The following PABPC4L variants were observed in gnomAD, a reference collection of about 807,000 sequenced individuals.
The protein encoded by PABPC4L is poly(A) binding protein cytoplasmic 4 like.
For missense variants in PABPC4L, 452 were observed against 451.4 expected, an observed-to-expected ratio of 1.00 and a Z score of -0.01; for synonymous variants, 169 against 164.1, an observed-to-expected ratio of 1.03 and a Z score of -0.23.
the PABPC4L span, among the ~76,000 whole-genome samples, chr4:134,162,511 C>G: frequency 2.0e-4 from 31 of 151,788 alleles, no homozygotes; most frequent in Non-Finnish European, 3.7e-4. Flanking sequence ...CTAGAACAAA[C>G]AGAACTAACA....
chr4:134,004,180 A>C, the PABPC4L span, among the ~76,000 whole-genome samples: 1 of 151,950 alleles, frequency 6.6e-6, no homozygotes, highest in East Asian at 1.9e-4. Context: ...ACAGCAAAGG[A>C]GAAAATCAAC....
the PABPC4L span, among the ~76,000 whole-genome samples, chr4:134,168,558 T>C: frequency 6.6e-6 from 1 of 151,518 alleles, no homozygotes; most frequent in South Asian, 2.1e-4. Flanking sequence ...AATACCCAAA[T>C]AAATAAAATC....
At chr4:134,008,777 T>A in the PABPC4L span, among the ~76,000 whole-genome samples, 5 of 151,804 alleles carry the variant, frequency 3.3e-5, no homozygotes, top group Non-Finnish European at 7.4e-5. Flanking sequence ...CCTGAAGACA[T>A]AATATGTAGG....
chr4:133,966,644 A>C, the PABPC4L span, among the ~76,000 whole-genome samples: 1 of 152,308 alleles, frequency 6.6e-6, no homozygotes, highest in African/African-American at 2.4e-5. Context: ...AGCATGAATT[A>C]ATGGCATTCA....
chr4:133,970,329 C>T, the PABPC4L span, among the ~76,000 whole-genome samples: 1 of 151,852 alleles, frequency 6.6e-6, no homozygotes, highest in Non-Finnish European at 1.5e-5. Context: ...CAGGAATTTT[C>T]ATGCTTGGTC....
chr4:134,076,778 T>TATAG, the PABPC4L span, among the ~76,000 whole-genome samples: 2 of 152,080 alleles, frequency 1.3e-5, no homozygotes, highest in Admixed American at 6.5e-5. Context: ...GACATACCCA[T>TATAG]ATAGATAGAT....
the PABPC4L span, among the ~76,000 whole-genome samples, chr4:134,121,109 G>C: frequency 6.6e-6 from 1 of 151,014 alleles, no homozygotes; most frequent in Admixed American, 6.6e-5. Flanking sequence ...CATATGGTGA[G>C]TTCTTAATTT....
chr4:134,027,534 A>C, the PABPC4L span, among the ~76,000 whole-genome samples: 1 of 152,288 alleles, frequency 6.6e-6, no homozygotes, highest in Non-Finnish European at 1.5e-5. Context: ...GTGCTACAAT[A>C]AATATGAGAC....
chr4:134,068,710 T>C, the PABPC4L span, among the ~76,000 whole-genome samples: 1 of 151,918 alleles, frequency 6.6e-6, no homozygotes, highest in Non-Finnish European at 1.5e-5. Flanking sequence ...TCTTTTAAGA[T>C]ACATCTTTTT....
chr4:134,032,573 A>G, the PABPC4L span, among the ~76,000 whole-genome samples: 1 of 151,944 alleles, frequency 6.6e-6, no homozygotes. Flanking sequence ...GGTAATGTGA[A>G]AATATGCACA....
chr4:134,022,413 C>T, the PABPC4L span, among the ~76,000 whole-genome samples: 1 of 152,124 alleles, frequency 6.6e-6, no homozygotes, highest in Non-Finnish European at 1.5e-5. Flanking sequence ...ATAAAACACA[C>T]ACACACATGC....
At chr4:133,967,306 AAAACAAAC>A in the PABPC4L span, among the ~76,000 whole-genome samples, 29 of 152,148 alleles carry the variant, frequency 1.9e-4, no homozygotes, top group African/African-American at 6.7e-4. Flanking sequence ...CCCAGACTCA[AAAACAAAC>A]AAACAAACAA....
At chr4:133,961,974 G>A in the PABPC4L span, among the ~76,000 whole-genome samples, 1 of 152,152 alleles carries the variant, frequency 6.6e-6, no homozygotes, top group Non-Finnish European at 1.5e-5. Context: ...CCAGGTCACA[G>A]AACAAGGGGC....
the PABPC4L span, among the ~76,000 whole-genome samples, chr4:133,970,959 C>G: frequency 1.3e-5 from 2 of 152,054 alleles, no homozygotes; most frequent in Non-Finnish European, 2.9e-5. Context: ...GTCTCCTAAT[C>G]TATGATATTT....
At chr4:133,994,470 C>A in the PABPC4L span, among the ~76,000 whole-genome samples, 20 of 152,132 alleles carry the variant, frequency 1.3e-4, no homozygotes, top group African/African-American at 4.6e-4. Flanking sequence ...TTTCTTCCCT[C>A]CGAATCCCAA....
the PABPC4L span, among the ~76,000 whole-genome samples, chr4:134,110,833 A>T: frequency 6.6e-6 from 1 of 152,128 alleles, no homozygotes; most frequent in Admixed American, 6.6e-5. Flanking sequence ...CAAGAAAAAC[A>T]GTCTGTACAT....
chr4:134,122,136 A>C, the PABPC4L span, among the ~76,000 whole-genome samples: 1 of 152,008 alleles, frequency 6.6e-6, no homozygotes, highest in Non-Finnish European at 1.5e-5. Flanking sequence ...TGGTCAACAA[A>C]GTCAACTGTC....
chr4:134,141,399 A>T, the PABPC4L span, among the ~76,000 whole-genome samples: 1 of 151,286 alleles, frequency 6.6e-6, no homozygotes, highest in Non-Finnish European at 1.5e-5. Flanking sequence ...GCTTCCTTTC[A>T]TCACCTTGAT....
the PABPC4L span, among the ~76,000 whole-genome samples, chr4:134,065,679 T>C: frequency 2.0e-5 from 3 of 152,244 alleles, no homozygotes; most frequent in African/African-American, 7.2e-5. Flanking sequence ...ATTTTTATCA[T>C]GAAATCTTTG....
Sources: gnomAD v4.1 joint callset for allele counts (sites outside exome capture counted in the v4.1 genomes callset) on GRCh38, gnomAD v4.1.1 for gene constraint, MANE v1.5 for transcripts, NCBI Gene and HGNC (gene_info 2026-07-23, HGNC 2026-07-21) for gene names.